Variants in ZBTB46 observed in about 807,000 individuals in gnomAD.
ZBTB46 encodes the protein zinc finger and BTB domain-containing protein 46.
A neutral mutation model predicts 44.1 loss-of-function variants in ZBTB46; 8 were observed. The ratio of observed to expected loss-of-function variants is 0.18; its 90% confidence interval spans 0.11 to 0.33. The LOEUF is 0.33. Ranked by LOEUF, ZBTB46 falls within the 10% of genes least tolerant of loss-of-function variation. The probability of loss-of-function intolerance (pLI) is 1.00; values close to 1 mark genes in which losing one functional copy is unlikely to be tolerated. For synonymous variants in ZBTB46, 409 were observed against 382.3 expected (o/e 1.07, Z -0.81); for missense variants, 651 against 847.7 (o/e 0.77, Z 2.88).
At chr20:63,823,370 C>A (rs1438636484) in intron 1 of ZBTB46, among the ~76,000 whole-genome samples, 1 of 151,538 alleles carries the variant, frequency 6.6e-6, no homozygotes, top group Non-Finnish European at 1.5e-5. Flanking sequence ...TGGTGGCACA[C>A]GCCTATAATC....
At chr20:63,774,747 C>G (rs1480735301) in intron 3 of ZBTB46, among the ~76,000 whole-genome samples, 3 of 135,736 alleles carry the variant, frequency 2.2e-5, no homozygotes, top group African/African-American at 5.4e-5. Context: ...TCTGTCGCCC[C>G]GGCTGGAGTG....
At position 63,755,286 on chromosome 20, in the gene ZBTB46, T is replaced by C. The variant is rs185662276; in HGVS notation, c.1223-2425A>G. Among the ~76,000 whole-genome samples the C allele has an allele frequency of 2.8e-4, 43 of 152,354 alleles. 1 individual carries two copies. Among genetic ancestry groups the C allele is most frequent in the Admixed American group, 2.4e-3 (37 of 15,306 alleles). On this transcript the variant is annotated intron_variant, in intron 3 of 4. Coordinates refer to ENST00000245663, the MANE Select transcript of ZBTB46 (RefSeq NM_001369741.1). ...CTCAGAACAGCCCGGTCCACTCTCT[T>C]GCAGTTCTGGAGGCCAAAGGTCAGA...
chr20:63,756,714 G>GAGCA (rs1175967781), intron 3 of ZBTB46, among the ~76,000 whole-genome samples: 2 of 152,230 alleles, frequency 1.3e-5, no homozygotes, highest in Non-Finnish European at 2.9e-5. Flanking sequence ...AACCCCCAGA[G>GAGCA]AGCACCCTCT....
At chr20:63,792,430 C>T (rs2092568879) in intron 1 of ZBTB46, among the ~76,000 whole-genome samples, 1 of 152,196 alleles carries the variant, frequency 6.6e-6, no homozygotes, top group African/African-American at 2.4e-5. Context: ...GGGACGGGGT[C>T]GGGGGCTCAG....
intron 1 of ZBTB46, among the ~76,000 whole-genome samples, chr20:63,809,004 A>G (rs2092701934): frequency 2.1e-5 from 3 of 143,922 alleles, no homozygotes; most frequent in African/African-American, 5.5e-5. Context: ...AAAAAAGAAA[A>G]AGAAAAAAAA....
In ZBTB46 at chr20:63,789,846, C is replaced by T. The variant is rs755369157; in HGVS notation, c.912G>A (p.Gly304=). ...SPVPSFLPTS[G]WPFSSRDSNA... is the part of the protein sequence containing the mutation. ...TTGAGTCTCGGCTGCTGAACGGCCA[C>T]CCCGACGTCGGCAGGAAGGACGGCA... Residue 304 remains glycine (G), a synonymous_variant, in exon 2 of 5, where the codon GGG becomes GGA. Coordinates refer to ENST00000245663, the MANE Select transcript of ZBTB46 (RefSeq NM_001369741.1). 6 of 1,611,598 alleles carry T rather than the reference C, an allele frequency of 3.7e-6. No homozygotes were observed. In the African/African-American group the frequency reaches 5.3e-5, roughly 14 times the overall value.
In ZBTB46 at chr20:63,823,858, T is replaced by TTGTGTGTGTGTGTGTGTGTGTGTGTGTG. The variant is rs11474683; in HGVS notation, c.-34+7211_-34+7238dup. Reference sequence around the variant, plus strand: ...TCCTGACCTTTGTCCTCTAGGAACCTTGTGTGTGTGTGTGTGTGTGTGTGT... The same window carrying TTGTGTGTGTGTGTGTGTGTGTGTGTGTG: ...TCCTGACCTTTGTCCTCTAGGAACCTTGTGTGTGTGTGTGTGTGTGTGTGTGTGTGTGTGTGTGTGTGTGTGTGTGTGT... On this transcript the variant is annotated intron_variant, in intron 1 of 4. Transcript: ENST00000245663. Among the ~76,000 whole-genome samples, 793 of 144,762 alleles carry TTGTGTGTGTGTGTGTGTGTGTGTGTGTG rather than the reference T, an allele frequency of 5.5e-3. 4 individuals are homozygous for TTGTGTGTGTGTGTGTGTGTGTGTGTGTG. The highest frequency in any genetic ancestry group is 0.01 in the Middle Eastern group (3 of 288). The allele number at this position is 144,762 out of a possible 152,430, so 95.0% of individuals were successfully genotyped here.
At chr20:63,804,765 G>C (rs1018340095) in intron 1 of ZBTB46, among the ~76,000 whole-genome samples, 1 of 151,820 alleles carries the variant, frequency 6.6e-6, no homozygotes, top group East Asian at 2.0e-4. Context: ...GGTGGGGGGC[G>C]CCTGTAGTCC....
At position 63,767,772 on chromosome 20, in the gene ZBTB46, C is replaced by T. The variant is rs1044140574; in HGVS notation, c.1222+7906G>A. On this transcript the variant is annotated intron_variant, in intron 3 of 4. Coordinates refer to ENST00000245663, the MANE Select transcript of ZBTB46 (RefSeq NM_001369741.1). The surrounding 1 kb of genome is among the most constrained non-coding windows in gnomAD (Gnocchi z 5.0). ...CTGTCAGCGCCCAAGGAGCTCCAGG[C>T]GAGGCCAAGCCGTCCTGGCACTGGC... is the stretch of plus-strand genomic sequence containing the variant. 26 of 623,326 alleles carry T rather than the reference C, an allele frequency of 4.2e-5. 1 individual carries two copies. The South Asian group carries it at 1.1e-3, about 25-fold the overall frequency. The allele number at this position is 623,326 out of a possible 1,614,324, so 38.6% of individuals were successfully genotyped here.
intron 1 of ZBTB46, among the ~76,000 whole-genome samples, chr20:63,825,959 C>T (rs927802986): frequency 6.6e-6 from 1 of 152,212 alleles, no homozygotes; most frequent in Non-Finnish European, 1.5e-5. Context: ...GTGGGCCACG[C>T]GGTCCAGGTG....
rs749628804 is a variant in ZBTB46 at position 63,775,802 on chromosome 20, C to A, written c.1098G>T (p.Ala366=). Residue 366 remains alanine (A), a synonymous_variant, in exon 3 of 5, where the codon GCG becomes GCT. Transcript: ENST00000245663. ...TGAGCGCCGCGCGCAGGTTGGCCAC[C>A]GCGGTGGCCTGATGCAGGGCGTCGT... is the stretch of plus-strand genomic sequence containing the variant. ...EKDDALHQAT[A]VANLRAALMS... The A allele has an allele frequency of 5.5e-5, 89 of 1,613,278 alleles. No individual in the cohort carries two copies. In the South Asian group the frequency reaches 9.2e-4, roughly 17 times the overall value.
At chr20:63,806,276 G>A (rs1292352303) in intron 1 of ZBTB46, among the ~76,000 whole-genome samples, 4 of 150,956 alleles carry the variant, frequency 2.6e-5, no homozygotes, top group African/African-American at 7.3e-5. Context: ...GCATGGTGAC[G>A]GGTGCCTGTA....
rs1568855112 is a variant in ZBTB46, at chr20:63,775,785, G to T, written c.1115C>A (p.Ala372Glu). Residue 372 changes from alanine to glutamate, a missense_variant, in exon 3 of 5, where the codon GCG becomes GAG. Coordinates refer to ENST00000245663, the MANE Select transcript of ZBTB46 (RefSeq NM_001369741.1). ...CAGGCTGTTCTTACTCATGAGCGCC[G>T]CGCGCAGGTTGGCCACCGCGGTGGC... The part of the protein sequence containing the change: ...HQATAVANLR[A>E]ALMSKNSLLS... The T allele has an allele frequency of 1.9e-6, 3 of 1,613,366 alleles. No individual in the cohort carries two copies. Among genetic ancestry groups the T allele is most frequent in the Non-Finnish European group, 1.7e-6 (2 of 1,179,952 alleles).
chr20:63,830,198 A>C (rs909610980), intron 1 of ZBTB46, among the ~76,000 whole-genome samples: 1 of 152,208 alleles, frequency 6.6e-6, no homozygotes, highest in Non-Finnish European at 1.5e-5. Flanking sequence ...TTAAACCTAC[A>C]AACAGTGAAT....
chr20:63,789,775 G>C (rs758762036), intron 2 of ZBTB46, 46 bp downstream of exon 2: 1 of 1,568,128 alleles, frequency 6.4e-7, no homozygotes, highest in South Asian at 1.2e-5. Context: ...CGTGAGGCCT[G>C]GACACACTGG....
At chr20:63,776,476 T>TTATTTGAAGCA (rs1456574506) in intron 2 of ZBTB46, among the ~76,000 whole-genome samples, 1 of 152,170 alleles carries the variant, frequency 6.6e-6, no homozygotes, top group Non-Finnish European at 1.5e-5. Context: ...ATTGGACTCA[T>TTATTTGAAGCA]CAAAATTAAA....
At position 63,790,123 on chromosome 20, in the gene ZBTB46, G is replaced by A; in HGVS notation, c.635C>T (p.Ser212Phe). The A allele has an allele frequency of 6.2e-7, 1 of 1,614,040 alleles. No homozygotes were observed. Among genetic ancestry groups the A allele is most frequent in the Non-Finnish European group, 8.5e-7 (1 of 1,180,036 alleles). Residue 212 changes from serine (S) to phenylalanine (F), a missense_variant, in exon 2 of 5, where the codon TCT becomes TTT. Physicochemically the swap from Ser to Phe is radical, Grantham distance 155 (BLOSUM62 -2). This residue lies in a region of ZBTB46 where 385 missense variants were observed against 423.3 expected (regional missense o/e 0.91). Transcript: ENST00000245663. Reference sequence around the variant, plus strand: ...GTCTCCAGGCCATAGAGGCTGTGAAGAAACATCATCAGGGCCATCGGCCTT... The same window carrying A: ...GTCTCCAGGCCATAGAGGCTGTGAAAAAACATCATCAGGGCCATCGGCCTT... ...EPKADGPDDV[S>F]SQPLWPGDVG... is the part of the protein sequence containing the mutation.
At chr20:63,830,205 G>A (rs576713813) in intron 1 of ZBTB46, among the ~76,000 whole-genome samples, 1 of 152,234 alleles carries the variant, frequency 6.6e-6, no homozygotes, top group African/African-American at 2.4e-5. Flanking sequence ...TACAAACAGT[G>A]AATCTGTCAG....
intron 3 of ZBTB46, among the ~76,000 whole-genome samples, chr20:63,766,131 C>T (rs2092318320): frequency 6.6e-6 from 1 of 151,574 alleles, no homozygotes; most frequent in African/African-American, 2.4e-5. Context: ...ATCTCACAGT[C>T]AGATGCCACA....
Sources: gnomAD v4.1 joint callset for allele counts (sites outside exome capture counted in the v4.1 genomes callset) on GRCh38, gnomAD v4.1.1 for gene constraint, gnomAD v4.1.1 regional missense constraint, Gnocchi (gnomAD v3.1) non-coding constraint, MANE v1.5 for transcripts, NCBI Gene and HGNC (gene_info 2026-07-23, HGNC 2026-07-21) for gene names.